ZFHX3: variants seen among roughly 807,000 people sequenced by gnomAD.
ZFHX3 encodes the protein zinc finger homeobox 3, also known as zinc finger homeobox protein 3.
A neutral mutation model predicts 279.1 loss-of-function variants in ZFHX3; 42 were observed. That is an observed-to-expected ratio of 0.15 (90% confidence interval 0.12 to 0.19). ZFHX3 has a LOEUF of 0.19. Ranked by LOEUF, ZFHX3 falls within the 10% of genes least tolerant of loss-of-function variation. The pLI is 1.00. For missense variants in ZFHX3, 4,981 were observed against 4,754.0 expected, an observed-to-expected ratio of 1.05 and a Z score of -1.40; for synonymous variants, 2,293 against 1,957.8, an observed-to-expected ratio of 1.17 and a Z score of -4.52.
chr16:72,795,264 T>C lies in ZFHX3; in HGVS notation c.7418A>G (p.Gln2473Arg), dbSNP rs750112637. The change falls in exon 9 of 10, where the codon CAG (glutamine) becomes CGG (arginine). Residue 2473 changes from glutamine to arginine, a missense_variant. Gln to Arg is a conservative substitution (Grantham distance 43, BLOSUM62 1). This residue lies in a region of ZFHX3 where 744 missense variants were observed against 701.3 expected (regional missense o/e 1.06). Transcript: ENST00000268489. ...TGGCAACGAAGGCAGGGACACCAGC[T>C]GGGGGAGCTTCTGCTGGGGAGTGTT... ...KTNTPQQKLP[Q>R]LVSLPSLPQP... The C allele has an allele frequency of 1.9e-6, 3 of 1,612,454 alleles. No individual in the cohort carries two copies. Among genetic ancestry groups the C allele is most frequent in the South Asian group, 1.1e-5 (1 of 91,000 alleles).
intron 2 of ZFHX3, among the ~76,000 whole-genome samples, chr16:73,508,378 A>C (rs549655068): frequency 1.3e-5 from 2 of 152,250 alleles, no homozygotes. Context: ...GAAGAGGAGG[A>C]GGAGGAAATG....
chr16:73,484,190 G>A (rs2018930903), intron 2 of ZFHX3, among the ~76,000 whole-genome samples: 1 of 152,004 alleles, frequency 6.6e-6, no homozygotes, highest in Admixed American at 6.6e-5. Context: ...AAAAACTGAC[G>A]TCTCAAAGAA....
Position 72,957,809 on chromosome 16 carries a change from C to T in ZFHX3, c.2337G>A (p.Ala779=), listed in dbSNP as rs991582949. Residue 779 remains alanine, a synonymous_variant, in exon 2 of 10, where the codon GCG becomes GCA. Transcript: ENST00000268489. The part of the protein sequence containing the change: ...TAGAAAAAVA[A]AAAAANISSS... ...TACTGATATTGGCTGCCGCCGCCGC[C>T]GCAGCCACCGCCGCCGCCGCCGCCC... 2.3e-5 allele frequency: 36 copies of T among 1,589,864 alleles called. No homozygotes were observed. The highest frequency in any genetic ancestry group is 8.4e-5 in the Admixed American group (5 of 59,296).
chr16:73,170,222 A>ATTT (rs1323820575), intron 5 of ZFHX3, among the ~76,000 whole-genome samples: 27 of 36,814 alleles, frequency 7.3e-4, no homozygotes, highest in Admixed American at 2.5e-3. Flanking sequence ...TCCTTTCACT[A>ATTT]GTTTTTTTTT....
intron 3 of ZFHX3, among the ~76,000 whole-genome samples, chr16:73,373,444 T>C (rs535125713): frequency 7.9e-5 from 12 of 152,300 alleles, no homozygotes; most frequent in African/African-American, 2.2e-4. Context: ...CTCTTAATAC[T>C]GTCCTGTCCA....
chr16:72,893,528 C>G (rs184290526), intron 3 of ZFHX3, among the ~76,000 whole-genome samples: 3 of 151,230 alleles, frequency 2.0e-5, no homozygotes, highest in African/African-American at 7.3e-5. Flanking sequence ...AACATCATAC[C>G]GGGTACTCAC....
At chr16:73,719,951 C>T (rs2053458258) in intron 1 of ZFHX3, among the ~76,000 whole-genome samples, 1 of 152,178 alleles carries the variant, frequency 6.6e-6, no homozygotes, top group Non-Finnish European at 1.5e-5. Flanking sequence ...TCACGGCTAT[C>T]TTCCACTACA....
chr16:73,114,520 G>T (rs896447431), intron 7 of ZFHX3, among the ~76,000 whole-genome samples: 5 of 151,514 alleles, frequency 3.3e-5, no homozygotes, highest in Non-Finnish European at 7.4e-5. Context: ...CTATGAAAAA[G>T]ATTTAAAAAC....
At chr16:72,922,498 G>C (rs1272986024) in intron 3 of ZFHX3, among the ~76,000 whole-genome samples, 1 of 152,170 alleles carries the variant, frequency 6.6e-6, no homozygotes, top group East Asian at 1.9e-4. Context: ...CTCTAGCACA[G>C]ACAGAAAGGG....
chr16:73,750,794 C>A (rs2053755326), intron 1 of ZFHX3, among the ~76,000 whole-genome samples: 1 of 151,672 alleles, frequency 6.6e-6, no homozygotes, highest in Admixed American at 6.6e-5. Context: ...ACATTGCAGG[C>A]AATTAGGGGT....
intron 3 of ZFHX3, among the ~76,000 whole-genome samples, chr16:73,444,515 A>T (rs921232051): frequency 4.6e-5 from 7 of 152,240 alleles, no homozygotes; most frequent in African/African-American, 1.4e-4. Context: ...CATAAATGGG[A>T]TGCATTTGTA....
intron 4 of ZFHX3, among the ~76,000 whole-genome samples, chr16:73,311,317 G>T (rs4888458): frequency 0.78 from 118,671 of 151,194 alleles, 46,837 homozygotes; most frequent in African/African-American, 0.86. Context: ...CAAAATGGAT[G>T]GATGCAGTGG....
chr16:73,742,638 T>C (rs2053669466), intron 1 of ZFHX3, among the ~76,000 whole-genome samples: 1 of 152,228 alleles, frequency 6.6e-6, no homozygotes, highest in African/African-American at 2.4e-5. Flanking sequence ...AGGGAATATA[T>C]GTATATAACA....
chr16:73,657,318 G>A (rs557001236), intron 2 of ZFHX3, among the ~76,000 whole-genome samples: 18 of 152,318 alleles, frequency 1.2e-4, no homozygotes, highest in Middle Eastern at 3.4e-3. Context: ...TTAGCCGGGC[G>A]TGGTGGTGCA....
chr16:73,265,045 G>A (rs192815361), intron 4 of ZFHX3, among the ~76,000 whole-genome samples: 5 of 136,328 alleles, frequency 3.7e-5, no homozygotes, highest in Admixed American at 1.5e-4. Context: ...ACACCTCAGC[G>A]CATATATATA....
chr16:73,041,939 G>A (rs990795134), intron 1 of ZFHX3, among the ~76,000 whole-genome samples: 1 of 152,150 alleles, frequency 6.6e-6, no homozygotes, highest in Non-Finnish European at 1.5e-5. Context: ...AAAGAAAAAA[G>A]AGAAGTTGGG....
chr16:73,734,329 T>G (rs951039203), intron 1 of ZFHX3, among the ~76,000 whole-genome samples: 1 of 152,216 alleles, frequency 6.6e-6, no homozygotes, highest in Non-Finnish European at 1.5e-5. Flanking sequence ...AAAAATTATA[T>G]AAATCCATAT....
At position 72,957,705 on chromosome 16, in the gene ZFHX3, T is replaced by A; in HGVS notation, c.2441A>T (p.Asn814Ile). Residue 814 changes from asparagine to isoleucine, a missense_variant, in exon 2 of 10, where the codon AAC (asparagine) becomes ATC (isoleucine). By Grantham distance (149) the Asn-to-Ile change is moderately radical (BLOSUM62 -3). Around this residue, in one of 7 missense-constraint regions of ZFHX3, gnomAD observed 1,751 missense variants for 1,770.0 expected, o/e 0.99. Transcript: ENST00000268489. ...GTGAATGCGGAGGTTCCTGGCCACG[T>A]TGGTCTCATAATCACACACCTCGCA... is the stretch of plus-strand genomic sequence containing the variant. The part of the protein sequence containing the change: ...WRCEVCDYET[N>I]VARNLRIHMT... 2 of 1,614,102 alleles carry A rather than the reference T, an allele frequency of 1.2e-6. No individual in the cohort carries two copies. The highest frequency in any genetic ancestry group is 1.6e-4 in the Middle Eastern group (1 of 6,062).
intron 1 of ZFHX3, among the ~76,000 whole-genome samples, chr16:73,818,882 A>G (rs1960655065): frequency 6.6e-6 from 1 of 152,220 alleles, no homozygotes; most frequent in Non-Finnish European, 1.5e-5. Context: ...AAACAATGAC[A>G]ACCACACAAA....
Sources: gnomAD v4.1 joint callset for allele counts (sites outside exome capture counted in the v4.1 genomes callset) on GRCh38, gnomAD v4.1.1 for gene constraint, gnomAD v4.1.1 regional missense constraint, MANE v1.5 for transcripts, NCBI Gene and HGNC (gene_info 2026-07-23, HGNC 2026-07-21) for gene names.